The following SIK2 variants were observed in gnomAD, a reference collection of about 807,000 sequenced individuals.
SIK2 encodes salt inducible kinase 2, also known as serine/threonine-protein kinase SIK2.
In SIK2, 29 loss-of-function variants were observed where a neutral mutation model predicts 103.2. The observed-to-expected ratio is 0.28, with a 90% CI of 0.21 to 0.38. SIK2 has a LOEUF of 0.38. SIK2 is among the 10% of genes least tolerant of loss of function. SIK2 has a pLI of 1.00. For missense variants in SIK2, 879 were observed against 1,171.0 expected (o/e 0.75, Z 3.64); for synonymous variants, 412 against 446.1 (o/e 0.92, Z 0.96).
At chr11:111,668,900 G>A (rs1156560428) in intron 3 of SIK2, among the ~76,000 whole-genome samples, 1 of 152,200 alleles carries the variant, frequency 6.6e-6, no homozygotes, top group Non-Finnish European at 1.5e-5. Flanking sequence ...AGGATTTGTT[G>A]ATGGATTGGA....
At chr11:111,610,265 G>A (rs796145086) in intron 1 of SIK2, among the ~76,000 whole-genome samples, 126 of 152,238 alleles carry the variant, frequency 8.3e-4, no homozygotes, top group African/African-American at 2.9e-3. Context: ...CGAGGCGGGT[G>A]GATTGCTTGA....
At chr11:111,611,120 A>G (rs868464308) in intron 1 of SIK2, among the ~76,000 whole-genome samples, 23 of 143,192 alleles carry the variant, frequency 1.6e-4, no homozygotes, top group East Asian at 1.4e-3. Context: ...GTGTGTGTGC[A>G]CACCTGTAGT....
chr11:111,677,721 G>A (rs908512933), intron 3 of SIK2, among the ~76,000 whole-genome samples: 3 of 150,530 alleles, frequency 2.0e-5, no homozygotes, highest in Admixed American at 6.7e-5. Context: ...GAGCCACCAC[G>A]CCCAGCCTAA....
chr11:111,685,377 G>A (rs1565353832), intron 3 of SIK2, among the ~76,000 whole-genome samples: 1 of 152,178 alleles, frequency 6.6e-6, no homozygotes, highest in African/African-American at 2.4e-5. Flanking sequence ...TAAAGTAAGG[G>A]CTATGTGTAT....
intron 3 of SIK2, among the ~76,000 whole-genome samples, chr11:111,622,025 T>C (rs1941893638): frequency 6.6e-6 from 1 of 152,132 alleles, no homozygotes. Context: ...AATACAGTGC[T>C]ATTTTTCTTT....
chr11:111,668,051 T>C (rs1290240955), intron 3 of SIK2, among the ~76,000 whole-genome samples: 1 of 152,182 alleles, frequency 6.6e-6, no homozygotes, highest in African/African-American at 2.4e-5. Flanking sequence ...CTTAGTGAGA[T>C]GATACTCTGA....
intron 3 of SIK2, among the ~76,000 whole-genome samples, chr11:111,652,974 G>C (rs1287689918): frequency 4.6e-5 from 7 of 152,138 alleles, no homozygotes; most frequent in Admixed American, 1.3e-4. Context: ...ATTATATTAG[G>C]TAACTATATT....
chr11:111,699,159 T>C (rs1478549634), intron 4 of SIK2, among the ~76,000 whole-genome samples: 1 of 152,174 alleles, frequency 6.6e-6, no homozygotes, highest in Admixed American at 6.5e-5. Context: ...GAGGTTACAT[T>C]GTAAAGAGAG....
chr11:111,654,048 A>G (rs796900238), intron 3 of SIK2, among the ~76,000 whole-genome samples: 9 of 152,356 alleles, frequency 5.9e-5, no homozygotes, highest in African/African-American at 2.2e-4. Flanking sequence ...GAAAGCAAAT[A>G]TAGAAATTTC....
intron 9 of SIK2, among the ~76,000 whole-genome samples, chr11:111,715,832 ACT>A (rs1393443019): frequency 1.8e-5 from 2 of 112,060 alleles, no homozygotes; most frequent in Non-Finnish European, 3.3e-5. Context: ...ATGGAGTATC[ACT>A]CTTGTCACCC....
At position 111,658,305 on chromosome 11, in the gene SIK2, A is replaced by G. The variant is rs940422294; in HGVS notation, c.317-29696A>G. On this transcript the variant is annotated intron_variant, in intron 3 of 14. Transcript: ENST00000304987. Reference sequence around the variant, plus strand: ...ACGCCCGGTTAATTTTTGTATTTTTAGTAGAGACAGGGTTTCACCATATTG... The same window carrying G: ...ACGCCCGGTTAATTTTTGTATTTTTGGTAGAGACAGGGTTTCACCATATTG... 2.6e-5 allele frequency among the ~76,000 whole-genome samples: 4 copies of G among 151,934 alleles called. No individual in the cohort carries two copies. The South Asian group carries it at 6.2e-4, about 24-fold the overall frequency.
intron 11 of SIK2, 39 bp downstream of exon 11, chr11:111,720,801 T>G: frequency 6.4e-7 from 1 of 1,571,866 alleles, no homozygotes; most frequent in Non-Finnish European, 8.6e-7. Context: ...ACTCGCGTCG[T>G]AGGAGAGCAG....
At chr11:111,632,508 G>T (rs1192305325) in intron 3 of SIK2, among the ~76,000 whole-genome samples, 1 of 152,046 alleles carries the variant, frequency 6.6e-6, no homozygotes, top group African/African-American at 2.4e-5. Flanking sequence ...GTTCAGTCCT[G>T]TACATAAACT....
At chr11:111,654,713 AC>A (rs1413454289) in intron 3 of SIK2, among the ~76,000 whole-genome samples, 8 of 152,212 alleles carry the variant, frequency 5.3e-5, no homozygotes, top group Non-Finnish European at 1.0e-4. Flanking sequence ...TGAGAATTGT[AC>A]ATTTTTCTGC....
chr11:111,696,258 C>T (rs754178329), intron 4 of SIK2, among the ~76,000 whole-genome samples: 2 of 152,104 alleles, frequency 1.3e-5, no homozygotes, highest in Non-Finnish European at 2.9e-5. Flanking sequence ...GAACATGTGA[C>T]AAAACTCATG....
chr11:111,690,412 T>C lies in SIK2; in HGVS notation c.478+2250T>C, dbSNP rs1047389831. ...AGGAGTTCTAGGAGTTGTTTTTTTT[T>C]CCAAGAGAACTATTTTATTTATTTT... is the stretch of plus-strand genomic sequence containing the variant. On this transcript the variant is annotated intron_variant, in intron 4 of 14. Transcript: ENST00000304987. Among the ~76,000 whole-genome samples the C allele has an allele frequency of 5.9e-5, 9 of 151,718 alleles. No individual in the cohort carries two copies. The East Asian group carries it at 7.7e-4, about 13-fold the overall frequency.
At chr11:111,626,266 G>A (rs1591592882) in intron 3 of SIK2, among the ~76,000 whole-genome samples, 1 of 152,224 alleles carries the variant, frequency 6.6e-6, no homozygotes, top group East Asian at 1.9e-4. Flanking sequence ...TCACTAGTTT[G>A]GAAGGGAAGA....
At chr11:111,689,565 T>C (rs980425160) in intron 4 of SIK2, among the ~76,000 whole-genome samples, 2 of 151,996 alleles carry the variant, frequency 1.3e-5, no homozygotes, top group African/African-American at 4.8e-5. Flanking sequence ...AAGTTACACA[T>C]GGTGGTGTTT....
chr11:111,643,051 A>G (rs1186328420), intron 3 of SIK2, among the ~76,000 whole-genome samples: 1 of 152,166 alleles, frequency 6.6e-6, no homozygotes, highest in Non-Finnish European at 1.5e-5. Flanking sequence ...GCTAGTTAAA[A>G]GAGGCCTTTC....
Sources: gnomAD v4.1 joint callset for allele counts (sites outside exome capture counted in the v4.1 genomes callset) on GRCh38, gnomAD v4.1.1 for gene constraint, MANE v1.5 for transcripts, NCBI Gene and HGNC (gene_info 2026-07-23, HGNC 2026-07-21) for gene names.